XXYLT1: variants seen among roughly 807,000 people sequenced by gnomAD.
The protein encoded by XXYLT1 is UDP-xylose:alpha-xyloside alpha-1,3-xylosyltransferase.
Under a neutral mutation model 28.9 loss-of-function variants are expected in XXYLT1, and 20 were observed. That is an observed-to-expected ratio of 0.69 (90% CI 0.49 to 1.00). The LOEUF (loss-of-function observed/expected upper bound fraction) is 1.00. Ranked by LOEUF, XXYLT1 falls within the 50% of genes least tolerant of loss-of-function variation. The pLI, the probability that XXYLT1 is intolerant of heterozygous loss-of-function variation, is 0.00. For missense variants in XXYLT1, 542 were observed against 560.1 expected (o/e 0.97, Z 0.33); for synonymous variants, 257 against 253.8 (o/e 1.01, Z -0.12).
chr3:195,261,676 G>A (rs918666758), intron 1 of XXYLT1, among the ~76,000 whole-genome samples: 2 of 152,016 alleles, frequency 1.3e-5, no homozygotes, highest in African/African-American at 4.8e-5. Flanking sequence ...CAAGGTAACT[G>A]TTTTTTGGGG....
chr3:195,172,428 T>C (rs192271927), intron 2 of XXYLT1, among the ~76,000 whole-genome samples: 1 of 152,212 alleles, frequency 6.6e-6, no homozygotes, highest in Non-Finnish European at 1.5e-5. Context: ...CCGGAACCTC[T>C]GAGTGAGTGT....
chr3:195,228,486 C>CTTTT (rs897820464), intron 1 of XXYLT1, among the ~76,000 whole-genome samples: 48 of 120,174 alleles, frequency 4.0e-4, no homozygotes, highest in Middle Eastern at 4.6e-3. Flanking sequence ...CTATATTTCA[C>CTTTT]TTTTTTTTTT....
Position 195,258,401 on chromosome 3 carries a change from C to G in XXYLT1, c.504+12154G>C, listed in dbSNP as rs1725558331. Among the ~76,000 whole-genome samples, 3 of 152,180 alleles carry G rather than the reference C, an allele frequency of 2.0e-5. No homozygotes were observed. The South Asian group carries it at 6.2e-4, about 32-fold the overall frequency. The stretch of plus-strand genomic sequence containing the variant: ...ACTATAAACAGTTACTGTGTGCAAT[C>G]AGACCAAGAAAACAAATCAAAAACC... On this transcript the variant is annotated intron_variant, in intron 1 of 3. Transcript: ENST00000310380.
chr3:195,261,362 A>T (rs1253135542), intron 1 of XXYLT1, among the ~76,000 whole-genome samples: 2 of 152,188 alleles, frequency 1.3e-5, no homozygotes, highest in East Asian at 1.9e-4. Context: ...TGAACCCGGG[A>T]CATGGGACAT....
Position 195,210,620 on chromosome 3 carries a change from C to T in XXYLT1, c.652+16089G>A, listed in dbSNP as rs1343415957. Reference sequence around the variant, plus strand: ...ACTATTTTCATTAGCTTAGAAAGAGCTTCTGGCATTAAATTAGTAGAAAAT... The same window carrying T: ...ACTATTTTCATTAGCTTAGAAAGAGTTTCTGGCATTAAATTAGTAGAAAAT... On this transcript the variant is annotated intron_variant, in intron 2 of 3. Coordinates refer to ENST00000310380, the MANE Select transcript of XXYLT1 (RefSeq NM_152531.5). This position sits in a 1 kb window ranked among gnomAD's most constrained non-coding sequence, Gnocchi z 4.8. Among the ~76,000 whole-genome samples, 3 of 152,214 alleles carry T rather than the reference C, an allele frequency of 2.0e-5. No homozygotes were observed. The highest frequency in any genetic ancestry group is 2.9e-5 in the Non-Finnish European group (2 of 68,040).
chr3:195,185,560 A>G (rs1722163213), intron 2 of XXYLT1, among the ~76,000 whole-genome samples: 1 of 148,424 alleles, frequency 6.7e-6, no homozygotes, highest in South Asian at 2.1e-4. Context: ...ACCATGGGTA[A>G]TAAGGTCAAT....
Position 195,226,766 on chromosome 3 carries a change from A to G in XXYLT1, c.595T>C (p.Tyr199His). 6.2e-7 allele frequency: 1 copy of G among 1,613,908 alleles called. No individual in the cohort carries two copies. Among genetic ancestry groups the G allele is most frequent in the South Asian group, 1.1e-5 (1 of 91,040 alleles). ...QKHFSAGLGT[Y>H]YSDSIFFLSV... The stretch of plus-strand genomic sequence containing the variant: ...AGGAAGAAGATGGAGTCACTGTAGT[A>G]GGTTCCCAAGCCAGCACTGAAGTGC... The change falls in exon 2 of 4, where the codon TAC becomes CAC. Residue 199 changes from tyrosine to histidine, a missense_variant. Transcript: ENST00000310380.
At chr3:195,187,002 C>T (rs1722227210) in intron 2 of XXYLT1, among the ~76,000 whole-genome samples, 1 of 150,694 alleles carries the variant, frequency 6.6e-6, no homozygotes, top group Admixed American at 6.6e-5. Context: ...TCAAGTGATT[C>T]TCCTGCCTCA....
Position 195,114,605 on chromosome 3 carries a change from G to C in XXYLT1, c.785+41844C>G, listed in dbSNP as rs140176175. On this transcript the variant is annotated intron_variant, in intron 3 of 3. Transcript: ENST00000310380. ...TACTAAAAAGTTCCTGCTCATGACA[G>C]TGCTGGGAGGACATCTCTTTACACG... Among the ~76,000 whole-genome samples, 818 of 152,290 alleles carry C rather than the reference G, an allele frequency of 5.4e-3. 2 individuals carry two copies. Among genetic ancestry groups the C allele is most frequent in the Middle Eastern group, 0.024 (7 of 294 alleles).
intron 1 of XXYLT1, among the ~76,000 whole-genome samples, chr3:195,247,308 G>A (rs914417216): frequency 6.6e-6 from 1 of 152,138 alleles, no homozygotes; most frequent in Non-Finnish European, 1.5e-5. Context: ...TGGGAGGGCC[G>A]TGAAGGCTTC....
At position 195,115,582 on chromosome 3, in the gene XXYLT1, G is replaced by A. The variant is rs993380696; in HGVS notation, c.785+40867C>T. Among the ~76,000 whole-genome samples, 65 of 152,214 alleles carry A rather than the reference G, an allele frequency of 4.3e-4. No individual in the cohort carries two copies. Among genetic ancestry groups the A allele is most frequent in the African/African-American group, 1.5e-3 (62 of 41,460 alleles). On this transcript the variant is annotated intron_variant, in intron 3 of 3. Coordinates refer to ENST00000310380, the MANE Select transcript of XXYLT1 (RefSeq NM_152531.5). The surrounding 1 kb of genome is among the most constrained non-coding windows in gnomAD (Gnocchi z 4.2). ...ACCCTGCCTGGCAAACCGAGCACGC[G>A]TGAAGGCCTCAGGAGCCACAGTGGA...
At chr3:195,167,143 C>T (rs374962234) in intron 2 of XXYLT1, among the ~76,000 whole-genome samples, 4 of 152,198 alleles carry the variant, frequency 2.6e-5, no homozygotes, top group African/African-American at 7.2e-5. Flanking sequence ...ATCACTGTGA[C>T]GTTAACTTTG....
At position 195,103,412 on chromosome 3, in the gene XXYLT1, C is replaced by T. The variant is rs374832498; in HGVS notation, c.786-33301G>A. Among the ~76,000 whole-genome samples the T allele has an allele frequency of 6.6e-3, 982 of 149,444 alleles. 10 individuals carry two copies. Among genetic ancestry groups the T allele is most frequent in the African/African-American group, 0.023 (902 of 39,312 alleles). ...ACGCCAGCGGCCTGCGTCCATCACC[C>T]CACGCCAGCGGCCTGCGTCCATCAC... On this transcript the variant is annotated intron_variant, in intron 3 of 3. Transcript: ENST00000310380.
chr3:195,242,803 G>A (rs1314802014), intron 1 of XXYLT1, among the ~76,000 whole-genome samples: 1 of 152,142 alleles, frequency 6.6e-6, no homozygotes, highest in Non-Finnish European at 1.5e-5. Flanking sequence ...TTATCTGGAG[G>A]TGGCCATAAC....
Position 195,257,577 on chromosome 3 carries a change from AG to A in XXYLT1, c.504+12977del, listed in dbSNP as rs1725527676. Among the ~76,000 whole-genome samples the A allele has an allele frequency of 1.3e-5, 2 of 152,200 alleles. No homozygotes were observed. ...GCCGGGGTACACCACAACCCCAGGCAGTCCAGCCAGGTGGATCACCATGGCA... is the reference window on the plus strand; with the variant it reads ...GCCGGGGTACACCACAACCCCAGGCATCCAGCCAGGTGGATCACCATGGCA... On this transcript the variant is annotated intron_variant, in intron 1 of 3. Coordinates refer to ENST00000310380, the MANE Select transcript of XXYLT1 (RefSeq NM_152531.5). The surrounding 1 kb of genome is among the most constrained non-coding windows in gnomAD (Gnocchi z 4.3).
chr3:195,098,200 G>A (rs1269190216), intron 3 of XXYLT1, among the ~76,000 whole-genome samples: 10 of 152,200 alleles, frequency 6.6e-5, no homozygotes, highest in Admixed American at 6.5e-4. Flanking sequence ...ACGAGAAACG[G>A]TGGTGATGGT....
intron 3 of XXYLT1, among the ~76,000 whole-genome samples, chr3:195,114,196 A>G (rs1309248650): frequency 6.6e-6 from 1 of 152,222 alleles, no homozygotes; most frequent in African/African-American, 2.4e-5. Context: ...ACTGTGCCCC[A>G]GTCCACACGC....
At position 195,210,237 on chromosome 3, in the gene XXYLT1, C is replaced by G. The variant is rs1296697138; in HGVS notation, c.652+16472G>C. Among the ~76,000 whole-genome samples, 1 of 152,232 alleles carries G rather than the reference C, an allele frequency of 6.6e-6. No homozygotes were observed. The highest frequency in any genetic ancestry group is 2.4e-5 in the African/African-American group (1 of 41,454). ...GGTGCATTCTCCGTGCAAACAACCC[C>G]CACACCCCGCTGAAGTCAGGACAGG... On this transcript the variant is annotated intron_variant, in intron 2 of 3. Coordinates refer to ENST00000310380, the MANE Select transcript of XXYLT1 (RefSeq NM_152531.5). The surrounding 1 kb of genome is among the most constrained non-coding windows in gnomAD (Gnocchi z 4.8).
chr3:195,135,179 T>C (rs1719128429), intron 3 of XXYLT1, among the ~76,000 whole-genome samples: 1 of 152,148 alleles, frequency 6.6e-6, no homozygotes, highest in Non-Finnish European at 1.5e-5. Flanking sequence ...GACTGACAGA[T>C]CTGGGATGCT....
Sources: gnomAD v4.1 joint callset for allele counts (sites outside exome capture counted in the v4.1 genomes callset) on GRCh38, gnomAD v4.1.1 for gene constraint, Gnocchi (gnomAD v3.1) non-coding constraint, MANE v1.5 for transcripts, NCBI Gene and HGNC (gene_info 2026-07-23, HGNC 2026-07-21) for gene names.